Variants in TARBP1 observed in about 807,000 individuals in gnomAD.
The protein encoded by TARBP1 is tRNA (guanosine(18)-2'-O)-methyltransferase TARBP1.
TARBP1 carries 144 observed loss-of-function variants against 178.6 expected under a neutral mutation model. The observed-to-expected ratio is 0.81, with a 90% CI of 0.70 to 0.93. TARBP1 has a LOEUF of 0.93. Among genes scored for constraint, TARBP1 ranks in the 40% least tolerant of loss-of-function variants. The pLI, the probability that TARBP1 is intolerant of heterozygous loss-of-function variation, is 0.00. For synonymous variants in TARBP1, 787 were observed against 781.0 expected (o/e 1.01, Z -0.13); for missense variants, 2,067 against 2,011.7 (o/e 1.03, Z -0.53).
At chr1:234,451,198 T>TTCA (rs1666719929) in intron 9 of TARBP1, among the ~76,000 whole-genome samples, 5 of 152,198 alleles carry the variant, frequency 3.3e-5, no homozygotes, top group Admixed American at 3.3e-4. Flanking sequence ...GTCACATAAT[T>TTCA]TCACAACTCA....
In TARBP1 at chr1:234,402,156, C is replaced by T. The variant is rs149103540; in HGVS notation, c.3990-894G>A. The stretch of plus-strand genomic sequence containing the variant: ...ATCAGTAATGGACTCAAGCGATATC[C>T]TAAGGCAAATGGAATATTAGGTAGC... On this transcript the variant is annotated intron_variant, in intron 24 of 29. Transcript: ENST00000040877. Among the ~76,000 whole-genome samples, 33 of 152,320 alleles carry T rather than the reference C, an allele frequency of 2.2e-4. No individual in the cohort carries two copies. The East Asian group carries it at 5.8e-3, about 27-fold the overall frequency.
chr1:234,452,139 A>G (rs1434734575), intron 9 of TARBP1, among the ~76,000 whole-genome samples: 2 of 152,196 alleles, frequency 1.3e-5, no homozygotes, highest in African/African-American at 4.8e-5. Context: ...AAAATTCAGA[A>G]TATTTTCCCT....
At chr1:234,425,572 T>C in intron 20 of TARBP1, 101 bp downstream of exon 20, 1 of 1,275,920 alleles carries the variant, frequency 7.8e-7, no homozygotes, top group Non-Finnish European at 1.1e-6. Context: ...TGTTTTCTCC[T>C]GACAAAAGAT....
In TARBP1 at chr1:234,429,181, G is replaced by C. The variant is rs1270732752; in HGVS notation, c.3015C>G (p.Thr1005=). 6.3e-6 allele frequency: 10 copies of C among 1,598,674 alleles called. No individual in the cohort carries two copies. Among genetic ancestry groups the C allele is most frequent in the Non-Finnish European group, 8.5e-6 (10 of 1,176,214 alleles). ...CCTGGCCCTTGATTTTGGCAGCAAT[G>C]GTAAGAACTTTGTTATCAAAAACAA... ...VQFVFDNKVL[T]IAAKIKGQAY... is the part of the protein sequence containing the mutation. The change falls in exon 17 of 30, where the codon ACC becomes ACG. Residue 1005 remains threonine, a synonymous_variant. Coordinates refer to ENST00000040877, the MANE Select transcript of TARBP1 (RefSeq NM_005646.4).
intron 11 of TARBP1, 60 bp from the exon 12 acceptor site, chr1:234,447,035 C>A: frequency 6.3e-7 from 1 of 1,583,808 alleles, no homozygotes; most frequent in African/African-American, 1.3e-5. Context: ...AATTGCTTCC[C>A]ACCTATAATT....
At chr1:234,447,057 G>C in intron 11 of TARBP1, 82 bp from the exon 12 acceptor site, 4 of 1,474,830 alleles carry the variant, frequency 2.7e-6, no homozygotes, top group Non-Finnish European at 3.8e-6. Context: ...GGTGAAAACT[G>C]GTTAGCTAAT....
chr1:234,394,423 ACT>A (rs1009016626), intron 26 of TARBP1, among the ~76,000 whole-genome samples: 1 of 152,120 alleles, frequency 6.6e-6, no homozygotes, highest in Non-Finnish European at 1.5e-5. Flanking sequence ...CAGGACTGAG[ACT>A]CTACCTCTCA....
intron 1 of TARBP1, among the ~76,000 whole-genome samples, chr1:234,474,536 A>T (rs1332157468): frequency 1.3e-5 from 2 of 152,120 alleles, no homozygotes; most frequent in African/African-American, 2.4e-5. Flanking sequence ...AAAACTGTGA[A>T]ATTTCAGAAT....
rs556569555 is a variant in TARBP1 at position 234,447,152 on chromosome 1, G to A, written c.1962-177C>T. Among the ~76,000 whole-genome samples, 3 of 152,092 alleles carry A rather than the reference G, an allele frequency of 2.0e-5. No individual in the cohort carries two copies. The East Asian group carries it at 5.8e-4, about 29-fold the overall frequency. On this transcript the variant is annotated intron_variant, in intron 11 of 29. Transcript: ENST00000040877. ...CTCATCTTCTGGTCCGTGCTTTCCC[G>A]TGAGGGTGGCGACTCACTAAAGAAG...
In TARBP1 at chr1:234,471,203, C is replaced by T; in HGVS notation, c.1084G>A (p.Val362Met). 2 of 1,599,790 alleles carry T rather than the reference C, an allele frequency of 1.3e-6. No homozygotes were observed. Among genetic ancestry groups the T allele is most frequent in the Non-Finnish European group, 1.7e-6 (2 of 1,175,704 alleles). The change falls in exon 3 of 30, where the codon GTG becomes ATG. Residue 362 changes from valine (V) to methionine (M), a missense_variant. Physicochemically the swap from Val to Met is conservative, Grantham distance 21. Transcript: ENST00000040877. The stretch of plus-strand genomic sequence containing the variant: ...TAATCGTTACCATTTTCCTCTGACA[C>T]CGCATATTCAAACAGATTGTTTAGC... Reference protein sequence around the residue: ...PKLNNLFEYAVSEENGCWLFH... With the variant: ...PKLNNLFEYAMSEENGCWLFH...
intron 12 of TARBP1, among the ~76,000 whole-genome samples, chr1:234,441,039 C>T (rs940938949): frequency 2.1e-4 from 32 of 152,098 alleles, no homozygotes; most frequent in African/African-American, 7.2e-4. Context: ...CAAAGATTAA[C>T]CAGGCATGGT....
intron 12 of TARBP1, among the ~76,000 whole-genome samples, chr1:234,441,291 A>AT (rs1665572392): frequency 6.6e-6 from 1 of 152,224 alleles, no homozygotes; most frequent in Admixed American, 6.5e-5. Flanking sequence ...TCCAGTCAAG[A>AT]TCCCAGCAGG....
rs574584293 is a variant in TARBP1 at position 234,464,687 on chromosome 1, CTAAT to C, written c.1302-757_1302-754del. 4.6e-3 allele frequency among the ~76,000 whole-genome samples: 704 copies of C among 152,210 alleles called. 2 individuals carry two copies. The highest frequency in any genetic ancestry group is 0.016 in the African/African-American group (676 of 41,516). ...AAATATTAATATAACGTGGCAGAGACTAATTAAAAATGTTTCAAGAAATTGGCTG... is the reference window on the plus strand; with the variant it reads ...AAATATTAATATAACGTGGCAGAGACTAAAAATGTTTCAAGAAATTGGCTG... On this transcript the variant is annotated intron_variant, in intron 5 of 29. Coordinates refer to ENST00000040877, the MANE Select transcript of TARBP1 (RefSeq NM_005646.4).
At chr1:234,436,988 T>C (rs1432257328) in intron 13 of TARBP1, among the ~76,000 whole-genome samples, 1 of 152,234 alleles carries the variant, frequency 6.6e-6, no homozygotes, top group Non-Finnish European at 1.5e-5. Context: ...ATTGAATGTG[T>C]GTAGTACTTC....
intron 11 of TARBP1, 34 bp downstream of exon 11, chr1:234,448,446 A>T (rs766252929): frequency 2.5e-6 from 4 of 1,579,074 alleles, no homozygotes; most frequent in Non-Finnish European, 3.5e-6. Context: ...GGATTTTTCA[A>T]ATAGGCTTTC....
chr1:234,437,135 G>GT lies in TARBP1; in HGVS notation c.2232+139dup, dbSNP rs371767689. The GT allele has an allele frequency of 2.1e-3, 896 of 435,326 alleles. 4 individuals are homozygous for GT. The highest frequency in any genetic ancestry group is 1.2e-3 in the Non-Finnish European group (289 of 246,208). 27.0% of individuals were successfully genotyped at this position (435,326 alleles called of 1,614,324 possible). On this transcript the variant is annotated intron_variant, in intron 13 of 29. Transcript: ENST00000040877. ...GAACTAGGAGACCCCAAAGTCTAAG[G>GT]TTTTTTTTGCTGCTTCCTAAGACCG... is the stretch of plus-strand genomic sequence containing the variant.
chr1:234,412,816 T>G (rs1372292280), intron 22 of TARBP1, among the ~76,000 whole-genome samples: 1 of 152,110 alleles, frequency 6.6e-6, no homozygotes, highest in Non-Finnish European at 1.5e-5. Context: ...GTCAGTGTGG[T>G]ACTCAGTTAT....
At chr1:234,449,978 TTTTAA>T (rs1666575983) in intron 10 of TARBP1, among the ~76,000 whole-genome samples, 3 of 152,218 alleles carry the variant, frequency 2.0e-5, no homozygotes, top group Admixed American at 1.3e-4. Flanking sequence ...AAAACTATCC[TTTTAA>T]ACACAGCCTT....
chr1:234,391,724 T>G lies in TARBP1; in HGVS notation c.4719A>C (p.Pro1573=). ...CGTCCAACTGTTGGATCAGATTTGCTGGAATTCCCTCACGTTCATTTCTGA... is the reference window on the plus strand; with the variant it reads ...CGTCCAACTGTTGGATCAGATTTGCGGGAATTCCCTCACGTTCATTTCTGA... ...LLLGNEREGI[P]ANLIQQLDVC... Residue 1573 remains proline, a synonymous_variant, in exon 30 of 30, where the codon CCA becomes CCC. Transcript: ENST00000040877. The G allele has an allele frequency of 6.2e-7, 1 of 1,613,318 alleles. No individual in the cohort carries two copies. The highest frequency in any genetic ancestry group is 1.1e-5 in the South Asian group (1 of 90,858).
Sources: gnomAD v4.1 joint callset for allele counts (sites outside exome capture counted in the v4.1 genomes callset) on GRCh38, gnomAD v4.1.1 for gene constraint, MANE v1.5 for transcripts, NCBI Gene and HGNC (gene_info 2026-07-23, HGNC 2026-07-21) for gene names.